Variants in TMTC2 observed in about 807,000 individuals in gnomAD.
The protein encoded by TMTC2 is transmembrane O-mannosyltransferase targeting cadherins 2.
Under a neutral mutation model 82.4 loss-of-function variants are expected in TMTC2, and 43 were observed. The observed-to-expected ratio is 0.52, with a 90% CI of 0.41 to 0.67. TMTC2 has a LOEUF of 0.67. Ranked by LOEUF, TMTC2 falls within the 30% of genes least tolerant of loss-of-function variation. The probability of loss-of-function intolerance (pLI) is 0.00; values close to 1 mark genes in which losing one functional copy is unlikely to be tolerated. For synonymous variants in TMTC2, 408 were observed against 381.9 expected, an observed-to-expected ratio of 1.07 and a Z score of -0.80; for missense variants, 919 against 1,012.4, an observed-to-expected ratio of 0.91 and a Z score of 1.25.
At chr12:82,777,054 A>G (rs73356392) in intron 1 of TMTC2, among the ~76,000 whole-genome samples, 2,269 of 152,288 alleles carry the variant, frequency 0.015, 59 homozygotes, top group African/African-American at 0.052. Flanking sequence ...TCTAGGGGAT[A>G]CCATATTCAT....
intron 8 of TMTC2, among the ~76,000 whole-genome samples, chr12:82,995,441 G>T (rs1047501390): frequency 1.3e-5 from 2 of 152,096 alleles, no homozygotes; most frequent in Admixed American, 1.3e-4. Context: ...GCCTGGCCAT[G>T]AACATGTTCA....
In TMTC2 at chr12:82,896,444, T is replaced by C; in HGVS notation, c.1281T>C (p.Pro427=). Residue 427 remains proline, a synonymous_variant, in exon 3 of 12, where the codon CCT becomes CCC. Transcript: ENST00000321196. ...TTGCAGAGCGAGTATTATATATTCCTAGTATGGGCTTCTGCCTACTGATTA... is the reference window on the plus strand; with the variant it reads ...TTGCAGAGCGAGTATTATATATTCCCAGTATGGGCTTCTGCCTACTGATTA... ...FVIAERVLYI[P]SMGFCLLITV... The C allele has an allele frequency of 3.7e-6, 6 of 1,614,196 alleles. No individual in the cohort carries two copies. The highest frequency in any genetic ancestry group is 2.2e-5 in the East Asian group (1 of 44,888).
chr12:82,858,414 G>A (rs1309346729), intron 2 of TMTC2, among the ~76,000 whole-genome samples: 1 of 152,198 alleles, frequency 6.6e-6, no homozygotes, highest in Non-Finnish European at 1.5e-5. Context: ...CGTGAAGACG[G>A]AACTGGGCCA....
chr12:82,966,831 A>G, intron 6 of TMTC2, 88 bp from the exon 7 acceptor site: 1 of 971,426 alleles, frequency 1.0e-6, no homozygotes, highest in Non-Finnish European at 1.5e-6. Context: ...GATGGTTTTA[A>G]CTTTGGAAGA....
chr12:82,891,369 C>T (rs995717919), intron 2 of TMTC2, among the ~76,000 whole-genome samples: 4 of 152,238 alleles, frequency 2.6e-5, no homozygotes, highest in East Asian at 1.9e-4. Context: ...AGTGCAATGA[C>T]GGGGCCTCGG....
intron 11 of TMTC2, among the ~76,000 whole-genome samples, chr12:83,094,319 G>A (rs953369065): frequency 4.6e-5 from 7 of 152,176 alleles, no homozygotes; most frequent in African/African-American, 1.7e-4. Flanking sequence ...CCTGCTCTGG[G>A]GAGCATTTCC....
rs201000918 is a variant in TMTC2, at chr12:82,687,547, C to G, written c.-40C>G. The G allele has an allele frequency of 2.5e-6, 4 of 1,573,912 alleles. No homozygotes were observed. Among genetic ancestry groups the G allele is most frequent in the African/African-American group, 2.7e-5 (2 of 74,786 alleles). ...TCTGTTTTTTGTTGCCGCTGCTGCC[C>G]TCGCGCTGGGAGCCGAGCCGGAGGG... On this transcript the variant is annotated 5_prime_UTR_variant, in exon 1 of 12. Coordinates refer to ENST00000321196, the MANE Select transcript of TMTC2 (RefSeq NM_152588.3).
chr12:82,768,241 C>A (rs7296213), intron 1 of TMTC2, among the ~76,000 whole-genome samples: 19,956 of 152,224 alleles, frequency 0.13, 1,447 homozygotes, highest in Middle Eastern at 0.21. Flanking sequence ...GCCGTCACTC[C>A]CTCTGCAGTT....
intron 3 of TMTC2, among the ~76,000 whole-genome samples, chr12:82,921,797 G>T (rs1875408898): frequency 6.6e-6 from 1 of 152,072 alleles, no homozygotes; most frequent in African/African-American, 2.4e-5. Context: ...GACATACTCT[G>T]TTAAAATGTG....
chr12:83,114,710 C>A (rs1296476548), intron 11 of TMTC2, among the ~76,000 whole-genome samples: 1 of 152,052 alleles, frequency 6.6e-6, no homozygotes, highest in East Asian at 1.9e-4. Flanking sequence ...AAGTGATATA[C>A]ATAGGTTAAA....
At chr12:83,059,709 T>C (rs571177372) in intron 10 of TMTC2, among the ~76,000 whole-genome samples, 6 of 151,762 alleles carry the variant, frequency 4.0e-5, no homozygotes, top group Non-Finnish European at 7.4e-5. Flanking sequence ...TGGGGGGCAG[T>C]AAAACCTTTT....
At chr12:82,934,198 A>T (rs1161479923) in intron 4 of TMTC2, among the ~76,000 whole-genome samples, 2 of 152,148 alleles carry the variant, frequency 1.3e-5, no homozygotes, top group Non-Finnish European at 2.9e-5. Flanking sequence ...AGACATTCTG[A>T]TTGTGTATCT....
chr12:82,723,837 T>C (rs1039986455), intron 1 of TMTC2, among the ~76,000 whole-genome samples: 1 of 152,228 alleles, frequency 6.6e-6, no homozygotes, highest in Non-Finnish European at 1.5e-5. Flanking sequence ...TAGCCTACTC[T>C]GTGTACTACA....
chr12:82,919,344 T>C (rs1268230365), intron 3 of TMTC2, among the ~76,000 whole-genome samples: 2 of 152,190 alleles, frequency 1.3e-5, no homozygotes, highest in African/African-American at 4.8e-5. Context: ...CCCAATGCAG[T>C]TACATTGGGA....
chr12:82,988,964 C>T (rs999418576), intron 8 of TMTC2, among the ~76,000 whole-genome samples: 1 of 149,836 alleles, frequency 6.7e-6, no homozygotes, highest in Non-Finnish European at 1.5e-5. Flanking sequence ...AGGAAAGACA[C>T]AAATTAAAAA....
intron 1 of TMTC2, among the ~76,000 whole-genome samples, chr12:82,717,531 C>T (rs757183441): frequency 1.8e-4 from 27 of 152,096 alleles, no homozygotes; most frequent in African/African-American, 5.8e-4. Flanking sequence ...GCACCCAGCC[C>T]GGCAAAAGGT....
chr12:83,124,522 G>A (rs1477606106), intron 11 of TMTC2, among the ~76,000 whole-genome samples: 1 of 151,322 alleles, frequency 6.6e-6, no homozygotes, highest in African/African-American at 2.4e-5. Context: ...AGCACTATGG[G>A]AACATAAAGA....
chr12:82,963,519 A>G (rs1878035243), intron 4 of TMTC2, among the ~76,000 whole-genome samples: 1 of 151,554 alleles, frequency 6.6e-6, no homozygotes, highest in African/African-American at 2.4e-5. Flanking sequence ...TTAAGGTTGT[A>G]GAAAAGTTTC....
At chr12:83,041,848 C>A (rs1294480553) in intron 9 of TMTC2, among the ~76,000 whole-genome samples, 1 of 152,154 alleles carries the variant, frequency 6.6e-6, no homozygotes, top group Non-Finnish European at 1.5e-5. Flanking sequence ...TTCTCTGTAG[C>A]TACAAATCTC....
Sources: allele counts gnomAD v4.1 joint callset (sites outside exome capture counted in the v4.1 genomes callset), GRCh38; gene constraint gnomAD v4.1.1; transcripts MANE v1.5; gene names NCBI Gene and HGNC (gene_info 2026-07-23, HGNC 2026-07-21).